REEP1: variants seen among roughly 807,000 people sequenced by gnomAD.
REEP1 encodes the protein receptor expression-enhancing protein 1.
In REEP1, 22 loss-of-function variants were observed where a neutral mutation model predicts 40.3. The ratio of observed to expected loss-of-function variants is 0.55; its 90% CI spans 0.39 to 0.78. REEP1 has a LOEUF of 0.78. Among genes scored for constraint, REEP1 ranks in the 30% least tolerant of loss-of-function variants. The pLI is 0.00. For synonymous variants in REEP1, 116 were observed against 139.2 expected, an observed-to-expected ratio of 0.83 and a Z score of 1.17; for missense variants, 280 against 361.1, an observed-to-expected ratio of 0.78 and a Z score of 1.82.
intron 1 of REEP1, among the ~76,000 whole-genome samples, chr2:86,310,270 G>A (rs772700178): frequency 2.6e-5 from 4 of 152,056 alleles, no homozygotes; most frequent in East Asian, 1.9e-4. Flanking sequence ...AACAATGGAC[G>A]GCACATACAA....
At chr2:86,284,494 G>A (rs777555544) in intron 1 of REEP1, among the ~76,000 whole-genome samples, 5 of 152,172 alleles carry the variant, frequency 3.3e-5, no homozygotes, top group Admixed American at 6.5e-5. Context: ...GGGAACGCTC[G>A]TGACCTTGGG....
At chr2:86,283,060 T>C (rs965115770) in intron 1 of REEP1, among the ~76,000 whole-genome samples, 2 of 152,230 alleles carry the variant, frequency 1.3e-5, no homozygotes, top group Non-Finnish European at 1.5e-5. Flanking sequence ...CCAGCTCCAA[T>C]ATGACTTCTT....
At chr2:86,292,723 C>T (rs759450870) in intron 1 of REEP1, among the ~76,000 whole-genome samples, 23 of 151,990 alleles carry the variant, frequency 1.5e-4, no homozygotes, top group Non-Finnish European at 2.6e-4. Context: ...CTATGTGCAC[C>T]ATGAAAAAGG....
intron 5 of REEP1, among the ~76,000 whole-genome samples, chr2:86,240,839 T>A (rs1445557133): frequency 6.6e-6 from 1 of 152,232 alleles, no homozygotes; most frequent in Non-Finnish European, 1.5e-5. Flanking sequence ...GGCACGTGGT[T>A]ATCTGGAATA....
chr2:86,251,874 G>C (rs773727205), intron 5 of REEP1, 83 bp downstream of exon 5: 2 of 945,212 alleles, frequency 2.1e-6, no homozygotes, highest in Admixed American at 1.7e-5. Context: ...TCCTTAGCCT[G>C]TTCTGTGTGG....
chr2:86,281,191 G>A (rs998491777), intron 2 of REEP1, among the ~76,000 whole-genome samples: 2 of 152,182 alleles, frequency 1.3e-5, no homozygotes, highest in South Asian at 4.2e-4. Flanking sequence ...GTGGTCTAAT[G>A]GTTCTCCTGC....
intron 1 of REEP1, among the ~76,000 whole-genome samples, chr2:86,309,907 A>G (rs1320224465): frequency 6.6e-6 from 1 of 151,990 alleles, no homozygotes; most frequent in East Asian, 1.9e-4. Context: ...CAGGAGGGGG[A>G]AAATATAATT....
intron 1 of REEP1, among the ~76,000 whole-genome samples, chr2:86,306,438 G>T (rs1679482816): frequency 6.6e-6 from 1 of 152,058 alleles, no homozygotes; most frequent in Non-Finnish European, 1.5e-5. Context: ...TCTTGAAAAA[G>T]TATGATAATA....
chr2:86,305,541 C>G (rs574766664), intron 1 of REEP1, among the ~76,000 whole-genome samples: 26 of 152,192 alleles, frequency 1.7e-4, no homozygotes, highest in African/African-American at 6.3e-4. Context: ...ATGAAAATCA[C>G]CAGGTGGGCT....
chr2:86,295,206 T>C (rs1022956003), intron 1 of REEP1, among the ~76,000 whole-genome samples: 3 of 152,210 alleles, frequency 2.0e-5, no homozygotes, highest in African/African-American at 7.2e-5. Context: ...CGCTTCTGGC[T>C]GGAAGTTCTG....
intron 2 of REEP1, among the ~76,000 whole-genome samples, chr2:86,267,131 T>C (rs538070889): frequency 4.6e-5 from 7 of 151,758 alleles, no homozygotes; most frequent in South Asian, 2.1e-4. Flanking sequence ...GCCCATGATA[T>C]GGTTTGGATG....
At chr2:86,259,426 G>A (rs1016457402) in intron 3 of REEP1, among the ~76,000 whole-genome samples, 5 of 149,022 alleles carry the variant, frequency 3.4e-5, no homozygotes, top group South Asian at 2.1e-4. Context: ...TCACTCTGTC[G>A]CCAGGCTGGA....
intron 7 of REEP1, among the ~76,000 whole-genome samples, chr2:86,222,696 C>A (rs1161872375): frequency 6.6e-6 from 1 of 152,174 alleles, no homozygotes; most frequent in Non-Finnish European, 1.5e-5. Flanking sequence ...ATCTTACTTG[C>A]CCACTCCCTT....
intron 1 of REEP1, among the ~76,000 whole-genome samples, chr2:86,321,447 G>C (rs1222165274): frequency 6.6e-6 from 1 of 152,052 alleles, no homozygotes; most frequent in Admixed American, 6.6e-5. Context: ...AGAAAAAGAT[G>C]AGACACCCCC....
At chr2:86,286,611 G>A (rs894691812) in intron 1 of REEP1, among the ~76,000 whole-genome samples, 1 of 152,174 alleles carries the variant, frequency 6.6e-6, no homozygotes, top group Non-Finnish European at 1.5e-5. Flanking sequence ...GATAGTGGGG[G>A]ATGGCCCCAA....
chr2:86,255,293 T>A (rs1676495189), intron 3 of REEP1, among the ~76,000 whole-genome samples: 1 of 152,182 alleles, frequency 6.6e-6, no homozygotes. Flanking sequence ...AGACTGAGAA[T>A]GAAAGCCTCT....
chr2:86,266,565 G>A (rs1477077482), intron 2 of REEP1, among the ~76,000 whole-genome samples: 4 of 151,730 alleles, frequency 2.6e-5, no homozygotes, highest in African/African-American at 9.7e-5. Flanking sequence ...CTTGCAGTGA[G>A]CCGAGATTGC....
At chr2:86,255,341 G>A (rs1172539418) in intron 3 of REEP1, among the ~76,000 whole-genome samples, 1 of 152,194 alleles carries the variant, frequency 6.6e-6, no homozygotes, top group Non-Finnish European at 1.5e-5. Context: ...CAGAGGCAGG[G>A]ACAAGAGCCC....
Position 86,293,462 on chromosome 2 carries a change from G to A in REEP1, c.33-11220C>T, listed in dbSNP as rs1572996682. On this transcript the variant is annotated intron_variant, in intron 1 of 8. Coordinates refer to ENST00000538924, the MANE Select transcript of REEP1 (RefSeq NM_001371279.1). ...GAAGATGATGACTACAAAGGGGCAT[G>A]GAGGAAGTTTTGGAGGCAATGAACC... Among the ~76,000 whole-genome samples, 6 of 152,364 alleles carry A rather than the reference G, an allele frequency of 3.9e-5. No homozygotes were observed. In the South Asian group the frequency reaches 1.0e-3, roughly 26 times the overall value.
Sources: allele counts gnomAD v4.1 joint callset (sites outside exome capture counted in the v4.1 genomes callset), GRCh38; gene constraint gnomAD v4.1.1; transcripts MANE v1.5; gene names NCBI Gene and HGNC (gene_info 2026-07-23, HGNC 2026-07-21).